KRT35: variants seen among roughly 807,000 people sequenced by gnomAD.
The protein encoded by KRT35 is keratin 35.
Under a neutral mutation model 42.2 loss-of-function variants are expected in KRT35, and 33 were observed. The observed-to-expected ratio is 0.78, with a 90% confidence interval of 0.59 to 1.05. The LOEUF (loss-of-function observed/expected upper bound fraction) is 1.05. Among genes scored for constraint, KRT35 ranks in the 50% least tolerant of loss-of-function variants. The pLI is 0.00. For missense variants in KRT35, 585 were observed against 589.2 expected (o/e 0.99, Z 0.07); for synonymous variants, 218 against 238.2 (o/e 0.92, Z 0.78).
chr17:41,479,674 C>T (rs756880378), intron 2 of KRT35, 25 bp downstream of exon 2: 1 of 1,609,348 alleles, frequency 6.2e-7, no homozygotes. Flanking sequence ...CAGCCCCCAA[C>T]CACATGACAA....
chr17:41,479,551 C>G (rs1555562653), intron 2 of KRT35, 48 bp from the exon 3 acceptor site: 5 of 1,598,530 alleles, frequency 3.1e-6, no homozygotes, highest in Non-Finnish European at 2.6e-6. Flanking sequence ...CTTTTTGCAT[C>G]TAAGTCAGGC....
rs765930941 is a variant in KRT35 at position 41,478,461 on chromosome 17, A to G, written c.899T>C (p.Val300Ala). Residue 300 changes from valine to alanine, a missense_variant, in exon 5 of 7, where the codon GTG becomes GCG. Val to Ala is a moderately conservative substitution (Grantham distance 64). Transcript: ENST00000246639. ...TQSEELNQQV[V>A]SSSEQLQSCQ... Reference sequence around the variant, plus strand: ...GGACTGCAACTGCTCTGAGCTGGACACCACCTGCTGGTTCAGCTCCTCACT... The same window carrying G: ...GGACTGCAACTGCTCTGAGCTGGACGCCACCTGCTGGTTCAGCTCCTCACT... The G allele has an allele frequency of 2.9e-5, 47 of 1,613,930 alleles. No homozygotes were observed. In the East Asian group the frequency reaches 9.8e-4, roughly 34 times the overall value.
At position 41,481,011 on chromosome 17, in the gene KRT35, G is replaced by A. The variant is rs769176495; in HGVS notation, c.87C>T (p.Ser29=). The A allele has an allele frequency of 3.3e-5, 53 of 1,613,926 alleles. No individual in the cohort carries two copies. The highest frequency in any genetic ancestry group is 3.2e-4 in the South Asian group (29 of 91,080). The change falls in exon 1 of 7, where the codon TCC becomes TCT. Residue 29 remains serine (S), a synonymous_variant. Coordinates refer to ENST00000246639, the MANE Select transcript of KRT35 (RefSeq NM_002280.6). The part of the protein sequence containing the change: ...GGASGGSTRV[S]AMYSSSSCKL... ...TGCAAGAGCTGCTGGAGTACATTGC[G>A]GACACACGAGTGGAGCCCCCACTGG...
In KRT35 at chr17:41,478,363, T is replaced by C; in HGVS notation, c.997A>G (p.Met333Val). The C allele has an allele frequency of 6.2e-7, 1 of 1,613,108 alleles. No individual in the cohort carries two copies. The highest frequency in any genetic ancestry group is 8.5e-7 in the Non-Finnish European group (1 of 1,179,792). The change falls in exon 5 of 7, where the codon ATG (methionine) becomes GTG (valine). Residue 333 changes from methionine (M) to valine (V), a missense_variant and splice_region_variant. By Grantham distance (21) the Met-to-Val change is conservative. Coordinates refer to ENST00000246639, the MANE Select transcript of KRT35 (RefSeq NM_002280.6). Reference protein sequence around the residue: ...LEIELQAQHSMRDALESTLAE... With the variant: ...LEIELQAQHSVRDALESTLAE... ...CTCCACCCTGCCTTGGGGCTCACCA[T>C]GCTGTGCTGAGCCTGCAGCTCAATC...
chr17:41,477,813 G>A (rs2019198754), intron 5 of KRT35, 75 bp from the exon 6 acceptor site: 2 of 1,500,072 alleles, frequency 1.3e-6, no homozygotes, highest in African/African-American at 2.8e-5. Flanking sequence ...ATCTTCCTTG[G>A]AGCTATAGCG....
At position 41,476,985 on chromosome 17, in the gene KRT35, G is replaced by A. The variant is rs2019179142; in HGVS notation, c.*71C>T. Reference sequence around the variant, plus strand: ...GCGAAGAGAGGGGATTGGGCTACAAGGGTTAAGTTTGGGTAGAGGCCAAGT... The same window carrying A: ...GCGAAGAGAGGGGATTGGGCTACAAAGGTTAAGTTTGGGTAGAGGCCAAGT... On this transcript the variant is annotated 3_prime_UTR_variant, in exon 7 of 7. Coordinates refer to ENST00000246639, the MANE Select transcript of KRT35 (RefSeq NM_002280.6). 7.0e-7 allele frequency: 1 copy of A among 1,421,322 alleles called. No individual in the cohort carries two copies. The highest frequency in any genetic ancestry group is 2.4e-5 in the Admixed American group (1 of 41,580). 88.0% of individuals were successfully genotyped at this position (1,421,322 alleles called of 1,614,324 possible). A position where few individuals can be genotyped will look rare whatever the true frequency, so the allele number is the denominator to read the frequency against.
At chr17:41,477,309 G>T (rs1597748242) in intron 6 of KRT35, 106 bp from the exon 7 acceptor site, 2 of 1,398,022 alleles carry the variant, frequency 1.4e-6, no homozygotes, top group Non-Finnish European at 2.0e-6. Context: ...AAACCACCTT[G>T]ATCCTGCCCC....
In KRT35 at chr17:41,479,353, A is replaced by T. The variant is rs763149199; in HGVS notation, c.705T>A (p.His235Gln). Residue 235 changes from histidine (H) to glutamine (Q), a missense_variant, in exon 3 of 7, where the codon CAT becomes CAA. Coordinates refer to ENST00000246639, the MANE Select transcript of KRT35 (RefSeq NM_002280.6). Reference sequence around the variant, plus strand: ...CCTTTTCCCCCATGCTCACCTCCTCATGGTTCTTCTTCAGGCAGAGCAGCT... The same window carrying T: ...CCTTTTCCCCCATGCTCACCTCCTCTTGGTTCTTCTTCAGGCAGAGCAGCT... ...KEELLCLKKN[H>Q]EEEVNSLRCQ... The T allele has an allele frequency of 2.5e-6, 4 of 1,606,204 alleles. No individual in the cohort carries two copies. In the East Asian group the frequency reaches 6.7e-5, roughly 27 times the overall value.
chr17:41,477,558 T>A lies in KRT35; in HGVS notation c.1180A>T (p.Ile394Phe). ...TCCAGCAGGCCCCGGTACGTGTTGA[T>A]CTCACACTCCAGCCGGGCCCGGACG... ...LDVRARLECE[I>F]NTYRGLLESE... The change falls in exon 6 of 7, where the codon ATC becomes TTC. Residue 394 changes from isoleucine (I) to phenylalanine (F), a missense_variant. Transcript: ENST00000246639. 1.9e-6 allele frequency: 3 copies of A among 1,613,942 alleles called. No homozygotes were observed. The highest frequency in any genetic ancestry group is 2.5e-6 in the Non-Finnish European group (3 of 1,180,048).
Position 41,480,916 on chromosome 17 carries a change from T to C in KRT35, c.182A>G (p.Tyr61Cys). ...AGCAGGGAGGCAGCTGGTGGCCCTGTAGCTGCTTCTGCCCAGACCCACTGA... is the reference window on the plus strand; with the variant it reads ...AGCAGGGAGGCAGCTGGTGGCCCTGCAGCTGCTTCTGCCCAGACCCACTGA... ...ACSVGLGRSS[Y>C]RATSCLPALC... The change falls in exon 1 of 7, where the codon TAC (tyrosine) becomes TGC (cysteine). Residue 61 changes from tyrosine (Y) to cysteine (C), a missense_variant. By Grantham distance (194) the Tyr-to-Cys change is radical (BLOSUM62 -2). Transcript: ENST00000246639. 6.2e-7 allele frequency: 1 copy of C among 1,614,182 alleles called. No individual in the cohort carries two copies. Among genetic ancestry groups the C allele is most frequent in the Admixed American group, 1.7e-5 (1 of 60,026 alleles).
rs1055841965 is a variant in KRT35, at chr17:41,479,729, G to C, written c.524C>G (p.Ala175Gly). The change falls in exon 2 of 7, where the codon GCC becomes GGC. Residue 175 changes from alanine (A) to glycine (G), a missense_variant. Physicochemically the swap from Ala to Gly is moderately conservative, Grantham distance 60. Coordinates refer to ENST00000246639, the MANE Select transcript of KRT35 (RefSeq NM_002280.6). The part of the protein sequence containing the change: ...NARLVVEIDN[A>G]KLAADDFRTK... ...CCTGAAGTCATCTGCAGCCAATTTG[G>C]CATTGTCAATCTCCACCACCAGCCT... 1.1e-5 allele frequency: 17 copies of C among 1,613,974 alleles called. No homozygotes were observed. The highest frequency in any genetic ancestry group is 1.4e-5 in the Non-Finnish European group (17 of 1,179,976).
rs759181440 is a variant in KRT35, at chr17:41,478,889, T to C, written c.818A>G (p.Tyr273Cys). The change falls in exon 4 of 7, where the codon TAT becomes TGT. Residue 273 changes from tyrosine (Y) to cysteine (C), a missense_variant. By Grantham distance (194) the Tyr-to-Cys change is radical. Coordinates refer to ENST00000246639, the MANE Select transcript of KRT35 (RefSeq NM_002280.6). ...NRVLEEMRCQ[Y>C]ETLVENNRRD... ...GCGGTTATTCTCCACCAGGGTTTCA[T>C]ACTGGCACCTCATCTCCTCCAGAAC... 8.7e-6 allele frequency: 14 copies of C among 1,614,036 alleles called. No homozygotes were observed. Among genetic ancestry groups the C allele is most frequent in the Non-Finnish European group, 1.2e-5 (14 of 1,179,978 alleles).
chr17:41,480,576 T>C (rs771033340), intron 1 of KRT35, 51 bp downstream of exon 1: 11 of 1,406,402 alleles, frequency 7.8e-6, no homozygotes, highest in Non-Finnish European at 1.0e-5. Context: ...TACCAATGAA[T>C]GCTGGTGACA....
At chr17:41,478,190 G>C (rs1303283893) in intron 5 of KRT35, among the ~76,000 whole-genome samples, 171 bp downstream of exon 5, 1 of 152,146 alleles carries the variant, frequency 6.6e-6, no homozygotes, top group African/African-American at 2.4e-5. Context: ...ACCACTGGGG[G>C]ATTTGTGACT....
At chr17:41,477,985 G>C (rs985088241) in intron 5 of KRT35, among the ~76,000 whole-genome samples, 4 of 152,238 alleles carry the variant, frequency 2.6e-5, no homozygotes, top group Admixed American at 1.3e-4. Flanking sequence ...ATCAGAGTTT[G>C]AGCTAGGATG....
intron 6 of KRT35, 127 bp from the exon 7 acceptor site, chr17:41,477,330 CA>C: frequency 7.4e-7 from 1 of 1,345,742 alleles, no homozygotes; most frequent in Non-Finnish European, 1.0e-6. Flanking sequence ...CTTGTTTTAC[CA>C]AAAGGGAAAC....
intron 4 of KRT35, 59 bp from the exon 5 acceptor site, chr17:41,478,545 T>A: frequency 6.3e-7 from 1 of 1,579,254 alleles, no homozygotes; most frequent in South Asian, 1.1e-5. Flanking sequence ...TTCAGAGAGC[T>A]ACAGAGGCCG....
chr17:41,479,641 G>T, intron 2 of KRT35, 58 bp downstream of exon 2: 1 of 1,573,746 alleles, frequency 6.4e-7, no homozygotes, highest in South Asian at 1.1e-5. Context: ...CTGAGCTCAG[G>T]CATCACCTGT....
In KRT35 at chr17:41,476,952, G is replaced by T; in HGVS notation, c.*104C>A. The T allele has an allele frequency of 8.6e-7, 1 of 1,165,730 alleles. No homozygotes were observed. The highest frequency in any genetic ancestry group is 1.6e-5 in the African/African-American group (1 of 63,504). The allele number at this position is 1,165,730 out of a possible 1,614,324, so 72.2% of individuals were successfully genotyped here. A position where few individuals can be genotyped will look rare whatever the true frequency, so the allele number is the denominator to read the frequency against. On this transcript the variant is annotated 3_prime_UTR_variant, in exon 7 of 7. Transcript: ENST00000246639. ...CCTTTTCAGCCAGACCCTGGGCCTG[G>T]GCTCTGCGCGAAGAGAGGGGATTGG...
Sources: gnomAD v4.1 joint callset for allele counts (sites outside exome capture counted in the v4.1 genomes callset) on GRCh38, gnomAD v4.1.1 for gene constraint, MANE v1.5 for transcripts, NCBI Gene and HGNC (gene_info 2026-07-23, HGNC 2026-07-21) for gene names.